The following TDRD5 variants were observed in gnomAD, a reference collection of about 807,000 sequenced individuals.
TDRD5 encodes tudor domain containing 5, also known as tudor domain-containing protein 5.
TDRD5 carries 41 observed loss-of-function variants against 120.6 expected under a neutral mutation model. That is an observed-to-expected ratio of 0.34 (90% CI 0.26 to 0.44). The LOEUF is 0.44. Among genes scored for constraint, TDRD5 ranks in the 20% least tolerant of loss-of-function variants. The pLI, the probability that TDRD5 is intolerant of heterozygous loss-of-function variation, is 1.00. For missense variants in TDRD5, 1,006 were observed against 1,221.2 expected (o/e 0.82, Z 2.63); for synonymous variants, 430 against 433.7 (o/e 0.99, Z 0.11).
intron 4 of TDRD5, among the ~76,000 whole-genome samples, chr1:179,597,240 C>T (rs1241376592): frequency 6.6e-6 from 1 of 151,670 alleles, no homozygotes; most frequent in Non-Finnish European, 1.5e-5. Flanking sequence ...CCGATGTTTG[C>T]TTCTTCATTT....
chr1:179,606,862 T>C (rs12078146), intron 4 of TDRD5, among the ~76,000 whole-genome samples: 1,596 of 152,230 alleles, frequency 0.01, 32 homozygotes, highest in African/African-American at 0.036. Flanking sequence ...CAATAAGTCT[T>C]GAAGTTGGGT....
At chr1:179,677,301 G>A (rs999138635) in intron 17 of TDRD5, among the ~76,000 whole-genome samples, 3 of 151,800 alleles carry the variant, frequency 2.0e-5, no homozygotes, top group African/African-American at 7.3e-5. Flanking sequence ...ACCTTTCTCT[G>A]GTGCCTCCTT....
intron 17 of TDRD5, among the ~76,000 whole-genome samples, chr1:179,671,794 G>A (rs770842321): frequency 2.6e-5 from 4 of 151,834 alleles, no homozygotes; most frequent in Non-Finnish European, 5.9e-5. Context: ...ATGCCTTTGC[G>A]TCCTCATAGC....
intron 11 of TDRD5, among the ~76,000 whole-genome samples, chr1:179,648,113 C>G (rs1216089420): frequency 9.3e-5 from 14 of 149,788 alleles, no homozygotes; most frequent in Non-Finnish European, 1.5e-4. Context: ...ACCCAAAGGA[C>G]TATAAATCAT....
intron 17 of TDRD5, among the ~76,000 whole-genome samples, chr1:179,683,009 T>C (rs1425178529): frequency 2.2e-5 from 3 of 138,366 alleles, no homozygotes; most frequent in African/African-American, 7.7e-5. Context: ...CAGCAGATCC[T>C]CAGTTTCTTC....
chr1:179,618,559 AG>A, intron 4 of TDRD5, 39 bp from the exon 5 acceptor site: 1 of 1,496,764 alleles, frequency 6.7e-7, no homozygotes, highest in Non-Finnish European at 9.1e-7. Flanking sequence ...TTCTTTGGTC[AG>A]GGGGACTGTG....
chr1:179,663,508 G>C lies in TDRD5; in HGVS notation c.2649+17G>C, dbSNP rs1167374832. 4.4e-6 allele frequency: 7 copies of C among 1,597,144 alleles called. No individual in the cohort carries two copies. Among genetic ancestry groups the C allele is most frequent in the Non-Finnish European group, 6.0e-6 (7 of 1,174,536 alleles). ...ACTCAAAAGGTAAATGTCTAATGCAGGTTATTGGGACAGGTTTGCATAAGG... is the reference window on the plus strand; with the variant it reads ...ACTCAAAAGGTAAATGTCTAATGCACGTTATTGGGACAGGTTTGCATAAGG... On this transcript the variant is annotated intron_variant, in intron 16 of 17. Transcript: ENST00000444136.
At chr1:179,641,543 A>G (rs1313785726) in intron 11 of TDRD5, among the ~76,000 whole-genome samples, 1 of 152,060 alleles carries the variant, frequency 6.6e-6, no homozygotes, top group Non-Finnish European at 1.5e-5. Flanking sequence ...GAAAAAAAAA[A>G]GAAGAAAGAA....
chr1:179,644,049 ATTCT>A (rs1678205546), intron 11 of TDRD5, among the ~76,000 whole-genome samples: 1 of 152,160 alleles, frequency 6.6e-6, no homozygotes, highest in East Asian at 1.9e-4. Context: ...TCAAGCTGGA[ATTCT>A]ATATCTAGTG....
intron 14 of TDRD5, among the ~76,000 whole-genome samples, chr1:179,659,606 G>C (rs927629331): frequency 6.8e-6 from 1 of 146,894 alleles, no homozygotes; most frequent in Non-Finnish European, 1.5e-5. Context: ...CGCTTGCCTG[G>C]TATATTTTTT....
intron 7 of TDRD5, 135 bp from the exon 8 acceptor site, chr1:179,634,322 A>G: frequency 2.3e-6 from 2 of 859,106 alleles, no homozygotes; most frequent in Middle Eastern, 3.4e-4. Context: ...TCTCTCATTT[A>G]TCATTGTCTT....
chr1:179,636,529 T>C (rs979853698), intron 9 of TDRD5, among the ~76,000 whole-genome samples: 1 of 152,232 alleles, frequency 6.6e-6, no homozygotes, highest in Non-Finnish European at 1.5e-5. Flanking sequence ...AATAGCAGAA[T>C]ATTAAAGCAA....
At chr1:179,592,456 A>G (rs1457437549) in intron 1 of TDRD5, 146 bp from the exon 2 acceptor site, 5 of 631,266 alleles carry the variant, frequency 7.9e-6, no homozygotes, top group Non-Finnish European at 1.4e-5. Flanking sequence ...GGCCACGCGC[A>G]AGCCGCAGGG....
chr1:179,640,635 G>A (rs1214674419), intron 11 of TDRD5, among the ~76,000 whole-genome samples, 190 bp downstream of exon 11: 1 of 152,196 alleles, frequency 6.6e-6, no homozygotes, highest in Non-Finnish European at 1.5e-5. Flanking sequence ...TATAGGAGAG[G>A]TTTCAAGAAT....
intron 4 of TDRD5, among the ~76,000 whole-genome samples, chr1:179,611,064 C>CTT (rs752583547): frequency 4.8e-5 from 7 of 145,020 alleles, no homozygotes; most frequent in African/African-American, 1.5e-4. Flanking sequence ...TGTTGTGATA[C>CTT]TTTTTTTTTT....
chr1:179,630,487 C>T (rs1254547645), intron 6 of TDRD5, among the ~76,000 whole-genome samples: 1 of 151,990 alleles, frequency 6.6e-6, no homozygotes, highest in Non-Finnish European at 1.5e-5. Flanking sequence ...GCTTTATATT[C>T]AGACATTGTT....
At chr1:179,648,853 G>A (rs140035359) in intron 11 of TDRD5, among the ~76,000 whole-genome samples, 135 of 152,180 alleles carry the variant, frequency 8.9e-4, no homozygotes, top group African/African-American at 3.1e-3. Flanking sequence ...CAAACCCTTC[G>A]TCAGGACCCA....
chr1:179,598,836 T>G (rs531440232), intron 4 of TDRD5, among the ~76,000 whole-genome samples: 22 of 152,178 alleles, frequency 1.4e-4, no homozygotes, highest in Non-Finnish European at 2.6e-4. Context: ...CAGTTTTACT[T>G]CCTCCTTTTC....
chr1:179,605,869 G>A (rs1250125385), intron 4 of TDRD5, among the ~76,000 whole-genome samples: 1 of 152,130 alleles, frequency 6.6e-6, no homozygotes, highest in Non-Finnish European at 1.5e-5. Flanking sequence ...ACTGAAGGAC[G>A]TCTTGCTTGT....
Sources: gnomAD v4.1 joint callset for allele counts (sites outside exome capture counted in the v4.1 genomes callset) on GRCh38, gnomAD v4.1.1 for gene constraint, MANE v1.5 for transcripts, NCBI Gene and HGNC (gene_info 2026-07-23, HGNC 2026-07-21) for gene names.